The following FARS2 variants were observed in gnomAD, a reference collection of about 807,000 sequenced individuals.
FARS2 encodes phenylalanine--tRNA ligase, mitochondrial.
FARS2 carries 40 observed loss-of-function variants against 46.4 expected under a neutral mutation model. The observed-to-expected ratio is 0.86, with a 90% CI of 0.67 to 1.12. The LOEUF is 1.12. Among genes scored for constraint, FARS2 ranks in the 50% most tolerant of loss-of-function variants. The probability of loss-of-function intolerance (pLI) is 0.00; values close to 1 mark genes in which losing one functional copy is unlikely to be tolerated. For missense variants in FARS2, 513 were observed against 567.9 expected, an observed-to-expected ratio of 0.90 and a Z score of 0.98; for synonymous variants, 234 against 214.9, an observed-to-expected ratio of 1.09 and a Z score of -0.78.
At chr6:5,417,508 T>G (rs1318038870) in intron 3 of FARS2, among the ~76,000 whole-genome samples, 2 of 152,214 alleles carry the variant, frequency 1.3e-5, no homozygotes, top group Admixed American at 1.3e-4. Flanking sequence ...ATTACAGGTA[T>G]GAGCCACTGT....
intron 1 of FARS2, among the ~76,000 whole-genome samples, chr6:5,296,191 G>C (rs994518926): frequency 7.7e-6 from 1 of 130,488 alleles, no homozygotes; most frequent in Non-Finnish European, 1.5e-5. Context: ...GCCTGGGCTG[G>C]AGTGCAGTGG....
In FARS2 at chr6:5,409,508, G is replaced by C. The variant is rs572660285; in HGVS notation, c.772+4807G>C. Reference sequence around the variant, plus strand: ...GTGAACTTGTAGCTTCTTTCATTTCGGCATATGTTGCTTTATTGTTTTAAA... The same window carrying C: ...GTGAACTTGTAGCTTCTTTCATTTCCGCATATGTTGCTTTATTGTTTTAAA... On this transcript the variant is annotated intron_variant, in intron 3 of 6. Coordinates refer to ENST00000274680, the MANE Select transcript of FARS2 (RefSeq NM_006567.5). Among the ~76,000 whole-genome samples, 13 of 151,800 alleles carry C rather than the reference G, an allele frequency of 8.6e-5. 1 individual carries two copies. In the South Asian group the frequency reaches 2.7e-3, roughly 32 times the overall value.
intron 1 of FARS2, among the ~76,000 whole-genome samples, chr6:5,318,876 G>T (rs1435033663): frequency 6.6e-6 from 1 of 152,138 alleles, no homozygotes; most frequent in Non-Finnish European, 1.5e-5. Flanking sequence ...ATGCAGAAAA[G>T]GGCGTGGTTG....
intron 5 of FARS2, among the ~76,000 whole-genome samples, chr6:5,561,178 G>A (rs1214525544): frequency 6.6e-6 from 1 of 152,074 alleles, no homozygotes; most frequent in African/African-American, 2.4e-5. Context: ...AAAGCTGTTG[G>A]TAATATTCTC....
At chr6:5,372,145 A>G (rs928181250) in intron 2 of FARS2, among the ~76,000 whole-genome samples, 1 of 152,188 alleles carries the variant, frequency 6.6e-6, no homozygotes, top group East Asian at 1.9e-4. Flanking sequence ...GGCTTAGTAC[A>G]TAAAGCAAAA....
At chr6:5,575,808 C>A (rs1350402009) in intron 5 of FARS2, among the ~76,000 whole-genome samples, 1 of 152,180 alleles carries the variant, frequency 6.6e-6, no homozygotes, top group East Asian at 1.9e-4. Context: ...ATTGGCAGAA[C>A]CTTCCTCATG....
In FARS2 at chr6:5,727,380, G is replaced by C. The variant is rs1760334684; in HGVS notation, c.1218-43911G>C. 6.6e-6 allele frequency among the ~76,000 whole-genome samples: 1 copy of C among 152,216 alleles called. No homozygotes were observed. The highest frequency in any genetic ancestry group is 2.4e-5 in the African/African-American group (1 of 41,450). On this transcript the variant is annotated intron_variant, in intron 6 of 6. Transcript: ENST00000274680. The surrounding 1 kb of genome is among the most constrained non-coding windows in gnomAD (Gnocchi z 4.1). ...CGCCTGCTACTTTCTCTGAGGCAGT[G>C]GTGTCACTTATACTTGTTACACTTT...
At chr6:5,512,496 T>C (rs969346744) in intron 4 of FARS2, among the ~76,000 whole-genome samples, 2 of 152,170 alleles carry the variant, frequency 1.3e-5, no homozygotes, top group African/African-American at 4.8e-5. Context: ...GGTGTCTTTA[T>C]GAAGGAGAAA....
At chr6:5,264,396 G>C (rs1314428298) in intron 1 of FARS2, among the ~76,000 whole-genome samples, 1 of 152,120 alleles carries the variant, frequency 6.6e-6, no homozygotes, top group Non-Finnish European at 1.5e-5. Context: ...CATTTGTACA[G>C]ATGAACAAAC....
At chr6:5,502,432 C>T (rs552376511) in intron 4 of FARS2, among the ~76,000 whole-genome samples, 54 of 152,128 alleles carry the variant, frequency 3.5e-4, no homozygotes, top group African/African-American at 1.3e-3. Context: ...CCCTTTTGGT[C>T]GCAATTACTC....
chr6:5,631,688 G>A (rs145456408), intron 6 of FARS2, among the ~76,000 whole-genome samples: 18 of 152,176 alleles, frequency 1.2e-4, no homozygotes, highest in Admixed American at 2.6e-4. Context: ...AGTGGAGGTC[G>A]GAAATTGAAC....
chr6:5,481,729 C>T (rs201690679), intron 4 of FARS2, among the ~76,000 whole-genome samples: 1 of 107,866 alleles, frequency 9.3e-6, no homozygotes, highest in Non-Finnish European at 2.2e-5. Context: ...GCTTATCCAG[C>T]CTTTCCCTGG....
At chr6:5,406,160 C>T (rs1171694670) in intron 3 of FARS2, among the ~76,000 whole-genome samples, 8 of 152,176 alleles carry the variant, frequency 5.3e-5, no homozygotes, top group Admixed American at 5.2e-4. Context: ...AGATGACCTA[C>T]TGTGGTTAGG....
intron 1 of FARS2, among the ~76,000 whole-genome samples, chr6:5,302,949 G>C (rs1348283994): frequency 1.3e-5 from 2 of 152,184 alleles, no homozygotes. Context: ...TGAGGAACGA[G>C]AGTAAATATA....
intron 1 of FARS2, among the ~76,000 whole-genome samples, chr6:5,333,063 GTGTACC>G (rs1370579484): frequency 1.3e-5 from 2 of 152,198 alleles, no homozygotes; most frequent in Non-Finnish European, 2.9e-5. Context: ...AACCTCTAAA[GTGTACC>G]ATTCTGCTTT....
chr6:5,697,531 T>G (rs1190731289), intron 6 of FARS2, among the ~76,000 whole-genome samples: 1 of 152,194 alleles, frequency 6.6e-6, no homozygotes, highest in Non-Finnish European at 1.5e-5. Context: ...ATAATGAGTA[T>G]CCAATGCAAT....
intron 6 of FARS2, among the ~76,000 whole-genome samples, chr6:5,690,826 C>G (rs1417367337): frequency 6.6e-6 from 1 of 152,236 alleles, no homozygotes; most frequent in African/African-American, 2.4e-5. Flanking sequence ...CCATCACTTT[C>G]AAGTACACCA....
chr6:5,423,001 C>T (rs899316965), intron 3 of FARS2, among the ~76,000 whole-genome samples: 1 of 152,086 alleles, frequency 6.6e-6, no homozygotes, highest in Non-Finnish European at 1.5e-5. Context: ...AAGTAACTGG[C>T]CTGAGGTCAC....
intron 1 of FARS2, among the ~76,000 whole-genome samples, chr6:5,366,847 T>C (rs186203670): frequency 3.3e-5 from 5 of 152,324 alleles, no homozygotes; most frequent in African/African-American, 4.8e-5. Context: ...ACCTAACAGT[T>C]TGATTTTGTG....
Sources: allele counts gnomAD v4.1 joint callset (sites outside exome capture counted in the v4.1 genomes callset), GRCh38; gene constraint gnomAD v4.1.1; non-coding constraint Gnocchi (gnomAD v3.1); transcripts MANE v1.5; gene names NCBI Gene and HGNC (gene_info 2026-07-23, HGNC 2026-07-21).